Variants in GPI observed in about 807,000 individuals in gnomAD.
The protein encoded by GPI is D-hexose-6-phosphate anomerase.
Under a neutral mutation model 75.8 loss-of-function variants are expected in GPI, and 56 were observed. The ratio of observed to expected loss-of-function variants is 0.74; its 90% CI spans 0.60 to 0.92. GPI has a LOEUF of 0.92. Ranked by LOEUF, GPI falls within the 40% of genes least tolerant of loss-of-function variation. GPI has a pLI of 0.00. For missense variants in GPI, 638 were observed against 741.0 expected (o/e 0.86, Z 1.61); for synonymous variants, 288 against 285.4 (o/e 1.01, Z -0.09).
At chr19:34,374,916 T>A (rs2074511098) in intron 4 of GPI, among the ~76,000 whole-genome samples, 1 of 151,164 alleles carries the variant, frequency 6.6e-6, no homozygotes, top group Admixed American at 6.6e-5. Flanking sequence ...TTTGTAGAGA[T>A]GACGTCTTGC....
At chr19:34,371,777 C>T (rs1035935497) in intron 4 of GPI, among the ~76,000 whole-genome samples, 26 of 151,146 alleles carry the variant, frequency 1.7e-4, no homozygotes, top group Admixed American at 1.4e-3. Context: ...ATCACTTGAA[C>T]CCCAGAGGTG....
intron 3 of GPI, chr19:34,367,256 T>C (rs899246806): frequency 4.1e-5 from 14 of 344,564 alleles, no homozygotes; most frequent in Non-Finnish European, 6.9e-5. Context: ...AGGCCAGGCC[T>C]GGGGGCCCCT....
At chr19:34,368,039 A>G (rs973368089) in intron 3 of GPI, among the ~76,000 whole-genome samples, 1 of 152,098 alleles carries the variant, frequency 6.6e-6, no homozygotes, top group Admixed American at 6.6e-5. Flanking sequence ...TCTGCCTCAG[A>G]TTCCTGAGTA....
In GPI at chr19:34,393,436, G is replaced by A. The variant is rs1221351273; in HGVS notation, c.865+128G>A. ...GCTGCTGGCCTCTCTGCAGCTGGCT[G>A]GGATATTTATTTCATGTCCAGAAGG... On this transcript the variant is annotated intron_variant, in intron 10 of 17. Transcript: ENST00000356487. This position sits in a 1 kb window ranked among gnomAD's most constrained non-coding sequence, Gnocchi z 4.4. The A allele has an allele frequency of 1.2e-6, 1 of 848,936 alleles. No individual in the cohort carries two copies. Among genetic ancestry groups the A allele is most frequent in the African/African-American group, 1.7e-5 (1 of 59,460 alleles). 52.6% of individuals were successfully genotyped at this position (848,936 alleles called of 1,614,324 possible).
chr19:34,396,927 C>T (rs1261028693), intron 14 of GPI, among the ~76,000 whole-genome samples: 1 of 152,178 alleles, frequency 6.6e-6, no homozygotes. Flanking sequence ...TCTTATGCCT[C>T]AGCCTCCCAA....
chr19:34,379,457 G>C (rs1599828532), intron 7 of GPI, 61 bp from the exon 8 acceptor site: 1 of 1,432,958 alleles, frequency 7.0e-7, no homozygotes, highest in South Asian at 1.1e-5. Flanking sequence ...TCTAGTGATG[G>C]GAAGTGACTA....
Position 34,393,882 on chromosome 19 carries a change from C to G in GPI, c.910-32C>G. On this transcript the variant is annotated intron_variant, in intron 11 of 17. Transcript: ENST00000356487. This position sits in a 1 kb window ranked among gnomAD's most constrained non-coding sequence, Gnocchi z 4.4. ...TGTCCCTCCCCTCCCCGTGCAGCTGCTCAGCTCCCACTCATCCTGCTCCTG... is the reference window on the plus strand; with the variant it reads ...TGTCCCTCCCCTCCCCGTGCAGCTGGTCAGCTCCCACTCATCCTGCTCCTG... 6.2e-7 allele frequency: 1 copy of G among 1,612,928 alleles called. No individual in the cohort carries two copies. Among genetic ancestry groups the G allele is most frequent in the Non-Finnish European group, 8.5e-7 (1 of 1,179,546 alleles).
intron 4 of GPI, among the ~76,000 whole-genome samples, chr19:34,376,278 T>G (rs1023438567): frequency 6.6e-6 from 1 of 152,112 alleles, no homozygotes; most frequent in African/African-American, 2.4e-5. Context: ...AAAATAGGCT[T>G]TGCGTGGTGG....
intron 1 of GPI, chr19:34,365,767 C>G (rs1249683251): frequency 4.1e-6 from 2 of 482,628 alleles, no homozygotes; most frequent in Non-Finnish European, 4.1e-6. Flanking sequence ...TCCATCCGCT[C>G]CTGGCCACAT....
chr19:34,368,932 G>A (rs1255392904), intron 4 of GPI: 2 of 604,466 alleles, frequency 3.3e-6, no homozygotes, highest in Non-Finnish European at 3.0e-6. Context: ...AGTGGGGCCA[G>A]TTTCTTTCCT....
intron 8 of GPI, chr19:34,379,985 G>GTTTTTTTTTTTTTTTTTTTTTTTT (rs1356302354): frequency 3.1e-5 from 4 of 127,574 alleles, no homozygotes; most frequent in African/African-American, 1.2e-4. Flanking sequence ...AGTGTGTGTG[G>GTTTTTTTTTTTTTTTTTTTTTTTT]TTTTGTTTTT....
rs1169090322 is a variant in GPI at position 34,399,710 on chromosome 19, C to T, written c.1475-9C>T. The T allele has an allele frequency of 1.9e-6, 3 of 1,613,984 alleles. No individual in the cohort carries two copies. The highest frequency in any genetic ancestry group is 4.5e-5 in the East Asian group (2 of 44,888). ...GAGCCCTGATGTGCCCTGTCTGTCA[C>T]TTCTGCAGCCATGTATGAGCACAAG... On this transcript the variant is annotated splice_polypyrimidine_tract_variant and intron_variant, in intron 16 of 17. Coordinates refer to ENST00000356487, the MANE Select transcript of GPI (RefSeq NM_000175.5).
intron 9 of GPI, among the ~76,000 whole-genome samples, chr19:34,382,529 C>G (rs2074670407): frequency 6.6e-6 from 1 of 152,108 alleles, no homozygotes; most frequent in Non-Finnish European, 1.5e-5. Context: ...TTTCTGCATC[C>G]TGTGGCTCAG....
rs776199733 is a variant in GPI at position 34,377,893 on chromosome 19, G to A, written c.633+12G>A. ...TCATTGCCTCCAAGGTATGAGTGCC[G>A]AAAACTGCCCGGCCCCTGGCCCTGT... is the stretch of plus-strand genomic sequence containing the variant. On this transcript the variant is annotated intron_variant, in intron 6 of 17. Coordinates refer to ENST00000356487, the MANE Select transcript of GPI (RefSeq NM_000175.5). The A allele has an allele frequency of 1.3e-5, 21 of 1,613,872 alleles. No homozygotes were observed. The highest frequency in any genetic ancestry group is 1.7e-5 in the Non-Finnish European group (20 of 1,179,914).
At chr19:34,363,487 G>C (rs2074314309), upstream of GPI, 1 of 151,312 alleles carries the variant, frequency 6.6e-6, no homozygotes. Flanking sequence ...CTGTGTAGAT[G>C]AGTAACTGGC....
chr19:34,380,560 G>A (rs1423452952), intron 8 of GPI, among the ~76,000 whole-genome samples: 2 of 152,212 alleles, frequency 1.3e-5, no homozygotes. Context: ...GGGATTATAG[G>A]CATGAGCCAC....
At chr19:34,381,603 G>C in intron 9 of GPI, 84 bp downstream of exon 9, 1 of 934,176 alleles carries the variant, frequency 1.1e-6, no homozygotes, top group Non-Finnish European at 1.8e-6. Flanking sequence ...GGTCAGGTCA[G>C]TGTTTATTGA....
chr19:34,368,958 A>G (rs1045388012), intron 4 of GPI: 15 of 570,316 alleles, frequency 2.6e-5, no homozygotes, highest in African/African-American at 2.1e-4. Flanking sequence ...GTAGACACCT[A>G]TGGACTCATG....
At chr19:34,380,209 T>G (rs1265659957) in intron 8 of GPI, among the ~76,000 whole-genome samples, 1 of 151,970 alleles carries the variant, frequency 6.6e-6, no homozygotes, top group Non-Finnish European at 1.5e-5. Context: ...TTGGCCAGGC[T>G]GGTCTCTGAC....
Sources: gnomAD v4.1 joint callset for allele counts (sites outside exome capture counted in the v4.1 genomes callset) on GRCh38, gnomAD v4.1.1 for gene constraint, Gnocchi (gnomAD v3.1) non-coding constraint, MANE v1.5 for transcripts, NCBI Gene and HGNC (gene_info 2026-07-23, HGNC 2026-07-21) for gene names.